CCDC7: variants seen among roughly 807,000 people sequenced by gnomAD.
CCDC7 encodes coiled-coil domain-containing protein 7.
A neutral mutation model predicts 196.9 loss-of-function variants in CCDC7; 183 were observed. That is an observed-to-expected ratio of 0.93 (90% confidence interval 0.82 to 1.05). The LOEUF is 1.05. Ranked by LOEUF, CCDC7 falls within the 50% of genes least tolerant of loss-of-function variation. CCDC7 has a pLI of 0.00. For synonymous variants in CCDC7, 525 were observed against 484.6 expected, an observed-to-expected ratio of 1.08 and a Z score of -1.10; for missense variants, 1,540 against 1,482.2, an observed-to-expected ratio of 1.04 and a Z score of -0.64.
chr10:32,491,170 C>A (rs1266720223), intron 8 of CCDC7, among the ~76,000 whole-genome samples: 5 of 151,962 alleles, frequency 3.3e-5, no homozygotes, highest in African/African-American at 1.2e-4. Context: ...ATTTATTATT[C>A]TTCTATACCA....
At chr10:32,615,524 T>A (rs2062683543) in intron 18 of CCDC7, among the ~76,000 whole-genome samples, 1 of 152,216 alleles carries the variant, frequency 6.6e-6, no homozygotes, top group East Asian at 1.9e-4. Flanking sequence ...TTTTAAATGT[T>A]TTTTTTCTTT....
chr10:32,845,994 G>A (rs1477164159), intron 36 of CCDC7, 35 bp downstream of exon 37: 4 of 1,448,260 alleles, frequency 2.8e-6, no homozygotes, highest in South Asian at 1.2e-5. Flanking sequence ...TAATATTTAG[G>A]CTTATTTATA....
At chr10:32,678,436 T>TG (rs2075359488) in intron 21 of CCDC7, among the ~76,000 whole-genome samples, 1 of 152,200 alleles carries the variant, frequency 6.6e-6, no homozygotes, top group South Asian at 2.1e-4. Flanking sequence ...GCAGGGTTCA[T>TG]GGGCAGGTCA....
intron 16 of CCDC7, among the ~76,000 whole-genome samples, chr10:32,573,114 G>A (rs2057776084): frequency 2.0e-5 from 3 of 152,104 alleles, no homozygotes; most frequent in Admixed American, 2.0e-4. Context: ...CTGTCCTCAA[G>A]TGATCCACCC....
At chr10:32,625,348 ATTTG>A (rs1249053326) in intron 18 of CCDC7, among the ~76,000 whole-genome samples, 3 of 151,168 alleles carry the variant, frequency 2.0e-5, no homozygotes, top group African/African-American at 4.9e-5. Context: ...TCTCTAACCT[ATTTG>A]TTTGACCTAT....
At chr10:32,674,766 T>A (rs1173124669) in intron 21 of CCDC7, among the ~76,000 whole-genome samples, 1 of 152,128 alleles carries the variant, frequency 6.6e-6, no homozygotes, top group Non-Finnish European at 1.5e-5. Context: ...ATCATTGTTA[T>A]ATACATATAT....
intron 28 of CCDC7, among the ~76,000 whole-genome samples, chr10:32,754,449 T>A (rs941835191): frequency 2.0e-5 from 3 of 152,144 alleles, no homozygotes. Flanking sequence ...AAGTAATGGG[T>A]AAATAACTTA....
At chr10:32,835,325 A>G (rs2092516744) in intron 33 of CCDC7, among the ~76,000 whole-genome samples, 2 of 152,058 alleles carry the variant, frequency 1.3e-5, no homozygotes, top group Non-Finnish European at 2.9e-5. Context: ...CTGTGTGCTC[A>G]TGTGTTAGAT....
At chr10:32,648,974 G>T (rs576004450) in intron 20 of CCDC7, among the ~76,000 whole-genome samples, 2 of 152,326 alleles carry the variant, frequency 1.3e-5, no homozygotes, top group Admixed American at 1.3e-4. Context: ...ATACTATGCA[G>T]TCATAAAAAG....
chr10:32,749,025 C>T (rs1047862207), intron 28 of CCDC7, among the ~76,000 whole-genome samples: 6 of 152,152 alleles, frequency 3.9e-5, no homozygotes, highest in Admixed American at 2.6e-4. Context: ...ATCCTTCAGA[C>T]GTGTCCTCAC....
At chr10:32,467,784 G>A (rs890895522) in intron 5 of CCDC7, among the ~76,000 whole-genome samples, 18 of 152,140 alleles carry the variant, frequency 1.2e-4, no homozygotes, top group South Asian at 2.1e-4. Flanking sequence ...AATGAGTCCC[G>A]TTTAAATCTT....
At chr10:32,637,931 G>C (rs2065950880) in intron 20 of CCDC7, among the ~76,000 whole-genome samples, 2 of 152,110 alleles carry the variant, frequency 1.3e-5, no homozygotes, top group South Asian at 4.1e-4. Context: ...AGTTCTCCTT[G>C]AAGAGGTCCT....
chr10:32,464,403 T>G (rs558490019), intron 5 of CCDC7, among the ~76,000 whole-genome samples: 6 of 152,232 alleles, frequency 3.9e-5, no homozygotes, highest in Non-Finnish European at 8.8e-5. Context: ...TCTTTTTTCC[T>G]GTTAAGACAG....
chr10:32,881,178 G>A (rs1397694693), downstream of CCDC7, among the ~76,000 whole-genome samples: 1 of 152,104 alleles, frequency 6.6e-6, no homozygotes, highest in Non-Finnish European at 1.5e-5. Flanking sequence ...GATTCCAGGT[G>A]CAGAGACAAA....
intron 38 of CCDC7, among the ~76,000 whole-genome samples, chr10:32,848,351 G>A (rs1362868035): frequency 6.6e-6 from 1 of 152,070 alleles, no homozygotes; most frequent in African/African-American, 2.4e-5. Flanking sequence ...TTTGGTCAAA[G>A]TAAAATAAAG....
intron 28 of CCDC7, among the ~76,000 whole-genome samples, chr10:32,734,862 C>T (rs575810648): frequency 1.5e-4 from 22 of 151,674 alleles, no homozygotes; most frequent in South Asian, 6.3e-4. Context: ...TGTGCCACTG[C>T]GCTCCAGCCT....
intron 18 of CCDC7, among the ~76,000 whole-genome samples, chr10:32,612,792 T>C (rs767302528): frequency 3.0e-4 from 45 of 152,292 alleles, no homozygotes; most frequent in Non-Finnish European, 5.9e-4. Flanking sequence ...ATAAGCTTTT[T>C]AATGTGCTGC....
At chr10:32,564,801 A>T (rs2887849) in intron 13 of CCDC7, among the ~76,000 whole-genome samples, 38,094 of 148,998 alleles carry the variant, frequency 0.26, 5,343 homozygotes, top group South Asian at 0.44. Context: ...TTAAAGTATA[A>T]AAAAAAAAAA....
intron 18 of CCDC7, among the ~76,000 whole-genome samples, chr10:32,603,047 T>A (rs2061223337): frequency 6.6e-6 from 1 of 152,216 alleles, no homozygotes; most frequent in Non-Finnish European, 1.5e-5. Flanking sequence ...ACACTAGAGC[T>A]TATTCCTTTT....
Sources: allele counts gnomAD v4.1 joint callset (sites outside exome capture counted in the v4.1 genomes callset), GRCh38; gene constraint gnomAD v4.1.1; transcripts MANE v1.5; gene names NCBI Gene and HGNC (gene_info 2026-07-23, HGNC 2026-07-21).